Variants in TSNARE1 observed in about 807,000 individuals in gnomAD.
TSNARE1 encodes t-SNARE domain containing 1.
TSNARE1 carries 49 observed loss-of-function variants against 62.0 expected under a neutral mutation model. The ratio of observed to expected loss-of-function variants is 0.79; its 90% CI spans 0.63 to 1.00. The LOEUF is 1.00. TSNARE1 is among the 50% of genes least tolerant of loss of function. The pLI is 0.00. For synonymous variants in TSNARE1, 328 were observed against 294.4 expected (o/e 1.11, Z -1.17); for missense variants, 755 against 700.1 (o/e 1.08, Z -0.88).
At chr8:142,217,921 A>ACC (rs1426697584) in intron 13 of TSNARE1, among the ~76,000 whole-genome samples, 1 of 109,856 alleles carries the variant, frequency 9.1e-6, no homozygotes, top group Admixed American at 8.9e-5. Context: ...TCAGAGTGTG[A>ACC]ACAGGATCAG....
chr8:142,339,884 C>T (rs1042101559), intron 4 of TSNARE1, among the ~76,000 whole-genome samples: 6 of 152,264 alleles, frequency 3.9e-5, no homozygotes, highest in African/African-American at 1.2e-4. Context: ...TGGACAGCTG[C>T]GCCGGGGGTG....
chr8:142,401,500 T>C (rs2131523864), intron 1 of TSNARE1, among the ~76,000 whole-genome samples: 1 of 152,228 alleles, frequency 6.6e-6, no homozygotes, highest in East Asian at 1.9e-4. Flanking sequence ...AGGACCTCGC[T>C]CTGCAGGCCA....
chr8:142,276,966 G>A, intron 11 of TSNARE1: 1 of 985,492 alleles, frequency 1.0e-6, no homozygotes, highest in Non-Finnish European at 1.2e-6. Context: ...GCAGTGCACA[G>A]AGATGCACAA....
chr8:142,254,415 A>C (rs987628505), intron 12 of TSNARE1, among the ~76,000 whole-genome samples: 5 of 152,152 alleles, frequency 3.3e-5, no homozygotes, highest in Admixed American at 2.6e-4. Flanking sequence ...CCAACACTCC[A>C]AACCACCTGG....
intron 1 of TSNARE1, among the ~76,000 whole-genome samples, chr8:142,358,580 A>G (rs534665649): frequency 6.6e-6 from 1 of 152,226 alleles, no homozygotes; most frequent in East Asian, 1.9e-4. Context: ...TTCGCTGCAT[A>G]TGGAAACATG....
chr8:142,315,765 T>C (rs1490560226), intron 7 of TSNARE1, among the ~76,000 whole-genome samples: 2 of 152,200 alleles, frequency 1.3e-5, no homozygotes, highest in Non-Finnish European at 2.9e-5. Flanking sequence ...ACCCACCCCA[T>C]GGCTATCGGA....
At chr8:142,366,148 A>G (rs936897448) in intron 1 of TSNARE1, 2 of 245,324 alleles carry the variant, frequency 8.2e-6, no homozygotes, top group Non-Finnish European at 1.6e-5. Context: ...GCCACTCTCC[A>G]GCCTCAGCCT....
chr8:142,300,333 G>C (rs1825497945), intron 10 of TSNARE1, 153 bp downstream of exon 10: 4 of 802,592 alleles, frequency 5.0e-6, no homozygotes, highest in African/African-American at 1.7e-5. Flanking sequence ...GCCAGAGAGA[G>C]GTGGTTAGAA....
At chr8:142,322,248 A>G (rs933001529) in intron 6 of TSNARE1, among the ~76,000 whole-genome samples, 2 of 152,226 alleles carry the variant, frequency 1.3e-5, no homozygotes, top group Non-Finnish European at 2.9e-5. Context: ...TTCCTTAACT[A>G]GAAAAAAGAA....
chr8:142,258,359 C>T (rs1362003578), intron 12 of TSNARE1, among the ~76,000 whole-genome samples: 2 of 152,220 alleles, frequency 1.3e-5, no homozygotes, highest in African/African-American at 4.8e-5. Flanking sequence ...CCCGAGTGCA[C>T]ACCTACGCTG....
chr8:142,340,673 C>T (rs552947514), intron 4 of TSNARE1, among the ~76,000 whole-genome samples: 2 of 152,354 alleles, frequency 1.3e-5, no homozygotes, highest in Admixed American at 1.3e-4. Context: ...AAGGCAGGGC[C>T]TGGTGGGTTT....
At chr8:142,216,149 C>A (rs1815823016) in intron 13 of TSNARE1, among the ~76,000 whole-genome samples, 1 of 152,218 alleles carries the variant, frequency 6.6e-6, no homozygotes, top group African/African-American at 2.4e-5. Flanking sequence ...CTCCTCCAGA[C>A]CCCTAGCTGG....
At chr8:142,353,395 GGGA>G (rs1834356766) in intron 2 of TSNARE1, among the ~76,000 whole-genome samples, 1 of 152,174 alleles carries the variant, frequency 6.6e-6, no homozygotes, top group South Asian at 2.1e-4. Context: ...AGGCAGAAGT[GGGA>G]GGAGACCAGG....
chr8:142,270,527 GGATA>G (rs1819437783), intron 12 of TSNARE1: 1 of 978,366 alleles, frequency 1.0e-6, no homozygotes, highest in Admixed American at 6.3e-5. Flanking sequence ...ACAGAAAATT[GGATA>G]GAAATTATTC....
At chr8:142,228,022 T>C (rs996273070) in intron 13 of TSNARE1, among the ~76,000 whole-genome samples, 3 of 152,172 alleles carry the variant, frequency 2.0e-5, no homozygotes, top group African/African-American at 7.2e-5. Flanking sequence ...GGAGTTTACA[T>C]GGAGAGGCAC....
At chr8:142,307,918 A>G (rs990398618) in intron 9 of TSNARE1, among the ~76,000 whole-genome samples, 24 of 152,084 alleles carry the variant, frequency 1.6e-4, no homozygotes, top group Middle Eastern at 3.2e-3. Flanking sequence ...TGCTCTAGTT[A>G]TTTGTGTGGG....
chr8:142,348,411 T>A (rs1416856391), intron 2 of TSNARE1, among the ~76,000 whole-genome samples: 1 of 152,090 alleles, frequency 6.6e-6, no homozygotes. Flanking sequence ...CGTGTGTCTA[T>A]CTCCTAAGAC....
intron 12 of TSNARE1, among the ~76,000 whole-genome samples, chr8:142,240,623 A>G (rs1563770439): frequency 6.6e-6 from 1 of 152,230 alleles, no homozygotes; most frequent in Non-Finnish European, 1.5e-5. Flanking sequence ...CAAATTTCAA[A>G]GAAGCAGTGT....
chr8:142,217,353 A>AG (rs1404540879), intron 13 of TSNARE1, among the ~76,000 whole-genome samples: 1 of 137,098 alleles, frequency 7.3e-6, no homozygotes, highest in African/African-American at 2.8e-5. Flanking sequence ...GAAAGAAAGA[A>AG]AGAAAGAAAG....
Sources: allele counts gnomAD v4.1 joint callset (sites outside exome capture counted in the v4.1 genomes callset), GRCh38; gene constraint gnomAD v4.1.1; transcripts MANE v1.5; gene names NCBI Gene and HGNC (gene_info 2026-07-23, HGNC 2026-07-21).